Variants in MAPKAP1 observed in about 807,000 individuals in gnomAD.
The protein encoded by MAPKAP1 is target of rapamycin complex 2 subunit MAPKAP1.
In MAPKAP1, 20 loss-of-function variants were observed where a neutral mutation model predicts 65.7. The observed-to-expected ratio is 0.30, with a 90% CI of 0.21 to 0.44. The LOEUF (loss-of-function observed/expected upper bound fraction) is 0.44. Ranked by LOEUF, MAPKAP1 falls within the 20% of genes least tolerant of loss-of-function variation. The probability of loss-of-function intolerance (pLI) is 1.00; values close to 1 mark genes in which losing one functional copy is unlikely to be tolerated. For synonymous variants in MAPKAP1, 222 were observed against 244.3 expected, an observed-to-expected ratio of 0.91 and a Z score of 0.85; for missense variants, 423 against 648.0, an observed-to-expected ratio of 0.65 and a Z score of 3.77.
chr9:125,603,295 G>A (rs1222907247), intron 4 of MAPKAP1, among the ~76,000 whole-genome samples: 1 of 152,138 alleles, frequency 6.6e-6, no homozygotes, highest in Non-Finnish European at 1.5e-5. Context: ...AGGCTCATCA[G>A]TAATCGTGAG....
chr9:125,648,726 T>G (rs943232020), intron 4 of MAPKAP1, among the ~76,000 whole-genome samples: 4 of 152,042 alleles, frequency 2.6e-5, no homozygotes, highest in African/African-American at 9.7e-5. Context: ...GCGGATTACC[T>G]GGTCAGGAGT....
intron 4 of MAPKAP1, among the ~76,000 whole-genome samples, chr9:125,607,259 G>A (rs1832464948): frequency 1.3e-5 from 2 of 152,268 alleles, no homozygotes; most frequent in African/African-American, 4.8e-5. Flanking sequence ...TCATGGGCTG[G>A]AGAAATAACT....
chr9:125,620,034 TGCAACG>T (rs772272086), intron 4 of MAPKAP1, among the ~76,000 whole-genome samples: 1 of 152,224 alleles, frequency 6.6e-6, no homozygotes, highest in Non-Finnish European at 1.5e-5. Context: ...TTGGGCCGGG[TGCAACG>T]GCTCACGCCT....
intron 5 of MAPKAP1, 118 bp downstream of exon 5, chr9:125,585,437 G>C: frequency 1.9e-6 from 2 of 1,047,562 alleles, no homozygotes; most frequent in Non-Finnish European, 2.8e-6. Flanking sequence ...CCCAGAGCTG[G>C]ATCAGTGCAG....
At position 125,685,013 on chromosome 9, in the gene MAPKAP1, G is replaced by A. The variant is rs536550618; in HGVS notation, c.-69-12370C>T. 5.3e-5 allele frequency among the ~76,000 whole-genome samples: 8 copies of A among 152,224 alleles called. No individual in the cohort carries two copies. The South Asian group carries it at 1.7e-3, about 32-fold the overall frequency. On this transcript the variant is annotated intron_variant, in intron 1 of 11. Coordinates refer to ENST00000265960, the MANE Select transcript of MAPKAP1 (RefSeq NM_001006617.3). ...CCCATTTCACTGCACTTAGTTCCTA[G>A]TTCTACCAAATAATTAACCCAGCAC... is the stretch of plus-strand genomic sequence containing the variant.
chr9:125,668,654 C>A (rs1362116565), intron 3 of MAPKAP1, among the ~76,000 whole-genome samples: 1 of 152,172 alleles, frequency 6.6e-6, no homozygotes, highest in Non-Finnish European at 1.5e-5. Flanking sequence ...CTCCCCAAGT[C>A]TTTTCTTCTT....
Position 125,585,555 on chromosome 9 carries a change from T to G in MAPKAP1, c.671A>C (p.Asn224Thr), listed in dbSNP as rs1168342088. Residue 224 changes from asparagine to threonine, a missense_variant and splice_region_variant, in exon 5 of 12, where the codon AAT (asparagine) becomes ACT (threonine). Asn to Thr is a moderately conservative substitution (Grantham distance 65, BLOSUM62 0). Coordinates refer to ENST00000265960, the MANE Select transcript of MAPKAP1 (RefSeq NM_001006617.3). ...AGCAGCCAAAAAGAGAATGGATTAC[T>G]TGAGCTTCGGCTCCCGTCCTTCGCT... ...YTSEGREPKL[N>T]DNVSAYCLHI... is the part of the protein sequence containing the mutation. 1 of 1,613,230 alleles carries G rather than the reference T, an allele frequency of 6.2e-7. No individual in the cohort carries two copies.
At chr9:125,667,842 C>T (rs1015292288) in intron 3 of MAPKAP1, among the ~76,000 whole-genome samples, 4 of 152,064 alleles carry the variant, frequency 2.6e-5, no homozygotes, top group African/African-American at 9.7e-5. Flanking sequence ...TTAATAAGAA[C>T]TGCTTTAAGA....
intron 4 of MAPKAP1, among the ~76,000 whole-genome samples, chr9:125,608,752 G>A (rs531435184): frequency 1.3e-5 from 2 of 152,216 alleles, no homozygotes; most frequent in Admixed American, 6.5e-5. Flanking sequence ...AGCCCAAACC[G>A]GCTGCCTTAA....
At chr9:125,581,266 A>T (rs1831616495) in intron 5 of MAPKAP1, among the ~76,000 whole-genome samples, 1 of 152,254 alleles carries the variant, frequency 6.6e-6, no homozygotes, top group Non-Finnish European at 1.5e-5. Context: ...TTAGCTTTAT[A>T]AGGAACTGCC....
intron 7 of MAPKAP1, among the ~76,000 whole-genome samples, chr9:125,512,037 G>A (rs145181117): frequency 4.9e-4 from 75 of 152,304 alleles, no homozygotes; most frequent in Admixed American, 1.0e-3. Context: ...TTGTAAACCC[G>A]AGGCAAACAT....
chr9:125,529,503 CA>C (rs58127214), intron 7 of MAPKAP1, among the ~76,000 whole-genome samples: 120,940 of 137,346 alleles, frequency 0.88, 53,560 homozygotes, highest in East Asian at 0.99. Context: ...AGTAGTGTGC[CA>C]AAAAAAAAAA....
intron 9 of MAPKAP1, among the ~76,000 whole-genome samples, chr9:125,476,865 T>G (rs72767094): frequency 0.1 from 15,801 of 152,188 alleles, 1,385 homozygotes; most frequent in African/African-American, 0.24. Context: ...GGCAGACATT[T>G]CTAATCAATC....
chr9:125,530,903 C>T (rs564363704), intron 7 of MAPKAP1, among the ~76,000 whole-genome samples: 1 of 152,230 alleles, frequency 6.6e-6, no homozygotes, highest in African/African-American at 2.4e-5. Flanking sequence ...ATGATGGCAG[C>T]TGATGTCCAC....
rs568923419 is a variant in MAPKAP1 at position 125,541,911 on chromosome 9, C to T, written c.958+1148G>A. Among the ~76,000 whole-genome samples, 234 of 152,290 alleles carry T rather than the reference C, an allele frequency of 1.5e-3. 1 individual carries two copies. Among genetic ancestry groups the T allele is most frequent in the African/African-American group, 5.4e-3 (224 of 41,554 alleles). On this transcript the variant is annotated intron_variant, in intron 7 of 11. Coordinates refer to ENST00000265960, the MANE Select transcript of MAPKAP1 (RefSeq NM_001006617.3). Reference sequence around the variant, plus strand: ...ATCCAGAGAGCTGGTTATCAAACGGCGCAGTCAGCTGGCAAAAGCCGAAAC... The same window carrying T: ...ATCCAGAGAGCTGGTTATCAAACGGTGCAGTCAGCTGGCAAAAGCCGAAAC...
chr9:125,565,801 GAATAA>G, intron 5 of MAPKAP1: 1 of 387,128 alleles, frequency 2.6e-6, no homozygotes, highest in Non-Finnish European at 5.1e-6. Flanking sequence ...ATGTTGTAAG[GAATAA>G]AATAATACAC....
intron 1 of MAPKAP1, among the ~76,000 whole-genome samples, chr9:125,695,282 A>T (rs1206719107): frequency 1.3e-5 from 2 of 152,226 alleles, no homozygotes; most frequent in African/African-American, 4.8e-5. Flanking sequence ...TCTGTATCTC[A>T]CCCCACGCCG....
At chr9:125,672,924 C>A (rs1237687649) in intron 1 of MAPKAP1, among the ~76,000 whole-genome samples, 1 of 152,232 alleles carries the variant, frequency 6.6e-6, no homozygotes, top group Non-Finnish European at 1.5e-5. Flanking sequence ...ACTCGAAGCA[C>A]ATAACTACTG....
chr9:125,676,969 CA>C (rs950429315), intron 1 of MAPKAP1, among the ~76,000 whole-genome samples: 1 of 152,126 alleles, frequency 6.6e-6, no homozygotes, highest in African/African-American at 2.4e-5. Context: ...CAATATATCC[CA>C]AACTTATTCC....
Sources: allele counts gnomAD v4.1 joint callset (sites outside exome capture counted in the v4.1 genomes callset), GRCh38; gene constraint gnomAD v4.1.1; transcripts MANE v1.5; gene names NCBI Gene and HGNC (gene_info 2026-07-23, HGNC 2026-07-21).